The following MFHAS1 variants were observed in gnomAD, a reference collection of about 807,000 sequenced individuals.
MFHAS1 encodes the protein multifunctional ROCO family signaling regulator 1.
MFHAS1 carries 50 observed loss-of-function variants against 70.4 expected under a neutral mutation model. The ratio of observed to expected loss-of-function variants is 0.71; its 90% CI spans 0.57 to 0.90. The LOEUF is 0.90. MFHAS1 is among the 40% of genes least tolerant of loss of function. The pLI is 0.00. For missense variants in MFHAS1, 1,795 were observed against 1,347.6 expected, an observed-to-expected ratio of 1.33 and a Z score of -5.20; for synonymous variants, 952 against 620.0, an observed-to-expected ratio of 1.54 and a Z score of -7.96.
At chr8:8,855,694 A>G (rs1426068797) in intron 1 of MFHAS1, among the ~76,000 whole-genome samples, 1 of 152,034 alleles carries the variant, frequency 6.6e-6, no homozygotes, top group African/African-American at 2.4e-5. Context: ...ACTCTCTACT[A>G]AAAATACAAA....
At chr8:8,840,458 A>G (rs1429541713) in intron 1 of MFHAS1, among the ~76,000 whole-genome samples, 1 of 130,864 alleles carries the variant, frequency 7.6e-6, no homozygotes, top group Non-Finnish European at 1.6e-5. Context: ...CTCCATCTCA[A>G]TACAAAAAAA....
chr8:8,847,371 G>A (rs1447535148), intron 1 of MFHAS1, among the ~76,000 whole-genome samples: 4 of 152,008 alleles, frequency 2.6e-5, no homozygotes, highest in South Asian at 2.1e-4. Context: ...TAGTAGAGAC[G>A]GGGTTTCACC....
rs1805448139 is a variant in MFHAS1 at position 8,784,005 on chromosome 8, C to T, written c.*2017G>A. ...GGGTTCAGATGACAGCATAAAACAT[C>T]ACTGGTCAAAAATATTAGATATTAA... On this transcript the variant is annotated 3_prime_UTR_variant, in exon 3 of 3. Transcript: ENST00000276282. The T allele has an allele frequency of 6.6e-6, 1 of 152,104 alleles. No homozygotes were observed. The highest frequency in any genetic ancestry group is 2.1e-4 in the South Asian group (1 of 4,822). The allele number at this position is 152,104 out of a possible 1,614,324, so 9.4% of individuals were successfully genotyped here.
chr8:8,893,286 C>T lies in MFHAS1; in HGVS notation c.-228G>A, dbSNP rs967887367. On this transcript the variant is annotated 5_prime_UTR_variant, in exon 1 of 3. Coordinates refer to ENST00000276282, the MANE Select transcript of MFHAS1 (RefSeq NM_004225.3). ...CGCGTGGAGAGCAGCTTGCATTCTCCCTGCGGCCGGGCCATGGGCGCGCCG... is the reference window on the plus strand; with the variant it reads ...CGCGTGGAGAGCAGCTTGCATTCTCTCTGCGGCCGGGCCATGGGCGCGCCG... 4 of 152,508 alleles carry T rather than the reference C, an allele frequency of 2.6e-5. No individual in the cohort carries two copies. The highest frequency in any genetic ancestry group is 6.7e-5 in the Admixed American group (1 of 15,032). 9.4% of individuals were successfully genotyped at this position (152,508 alleles called of 1,614,324 possible). A position where few individuals can be genotyped will look rare whatever the true frequency, so the allele number is the denominator to read the frequency against.
chr8:8,819,882 T>C (rs1806890027), intron 1 of MFHAS1, among the ~76,000 whole-genome samples: 3 of 152,078 alleles, frequency 2.0e-5, no homozygotes, highest in Admixed American at 6.5e-5. Flanking sequence ...CTATTTTTGA[T>C]AGAGACGGGG....
chr8:8,891,259 G>C lies in MFHAS1; in HGVS notation c.1800C>G (p.Asp600Glu), dbSNP rs1312850743. The C allele has an allele frequency of 1.2e-6, 2 of 1,612,040 alleles. No individual in the cohort carries two copies. The highest frequency in any genetic ancestry group is 1.7e-6 in the Non-Finnish European group (2 of 1,180,034). The change falls in exon 1 of 3, where the codon GAC becomes GAG. Residue 600 changes from aspartate (D) to glutamate (E), a missense_variant. Coordinates refer to ENST00000276282, the MANE Select transcript of MFHAS1 (RefSeq NM_004225.3). This position sits in a 1 kb window ranked among gnomAD's most constrained non-coding sequence, Gnocchi z 5.4. ...GGGCCTTGCGCCGTCGAAGGTTCTT[G>C]TCCGAAACGCCATAGTAGGCTGCGT... ...SPHAAYYGVS[D>E]KNLRRRKAHF...
chr8:8,817,105 G>C (rs960589098), intron 1 of MFHAS1, among the ~76,000 whole-genome samples: 1 of 152,176 alleles, frequency 6.6e-6, no homozygotes, highest in Non-Finnish European at 1.5e-5. Flanking sequence ...TTTCAGTATA[G>C]AAGCACACAG....
At position 8,892,872 on chromosome 8, in the gene MFHAS1, C is replaced by G. The variant is rs745526921; in HGVS notation, c.187G>C (p.Gly63Arg). ...SPQLVLPANL[G>R]DIEALNLGNN... The stretch of plus-strand genomic sequence containing the variant: ...CCCAGGTTCAGTGCCTCAATGTCCC[C>G]GAGGTTGGCCGGCAGCACGAGCTGG... The change falls in exon 1 of 3, where the codon GGG becomes CGG. Residue 63 changes from glycine (G) to arginine (R), a missense_variant. Transcript: ENST00000276282. The surrounding 1 kb of genome is among the most constrained non-coding windows in gnomAD (Gnocchi z 4.7). 1 of 1,587,604 alleles carries G rather than the reference C, an allele frequency of 6.3e-7. No individual in the cohort carries two copies.
intron 1 of MFHAS1, among the ~76,000 whole-genome samples, chr8:8,835,613 T>G (rs1807569069): frequency 6.6e-6 from 1 of 152,242 alleles, no homozygotes; most frequent in African/African-American, 2.4e-5. Flanking sequence ...AACTTAATTT[T>G]CAGCACTTAT....
At chr8:8,863,305 G>C (rs576857139) in intron 1 of MFHAS1, among the ~76,000 whole-genome samples, 27 of 152,256 alleles carry the variant, frequency 1.8e-4, no homozygotes, top group Middle Eastern at 3.4e-3. Context: ...ATAACTGTGG[G>C]ACAATTCACC....
rs201593143 is a variant in MFHAS1, at chr8:8,891,106, G to C, written c.1953C>G (p.Ile651Met). The change falls in exon 1 of 3, where the codon ATC (isoleucine) becomes ATG (methionine). Residue 651 changes from isoleucine (I) to methionine (M), a missense_variant. Transcript: ENST00000276282. The surrounding 1 kb of genome is among the most constrained non-coding windows in gnomAD (Gnocchi z 5.4). ...GCAGTACTCTGTGTAAGTTGGGGAA[G>C]ATCTCTCGGTGCTCAGCAACTGACA... Reference protein sequence around the residue: ...KLLSVAEHREIFPNLHRVLPR... With the variant: ...KLLSVAEHREMFPNLHRVLPR... The C allele has an allele frequency of 6.2e-7, 1 of 1,613,932 alleles. No individual in the cohort carries two copies. The highest frequency in any genetic ancestry group is 2.2e-5 in the East Asian group (1 of 44,880).
At chr8:8,882,955 C>T (rs1809585569) in intron 1 of MFHAS1, among the ~76,000 whole-genome samples, 1 of 152,062 alleles carries the variant, frequency 6.6e-6, no homozygotes, top group Non-Finnish European at 1.5e-5. Context: ...GAGTTTGAGA[C>T]CAGCCTGGCC....
chr8:8,852,240 G>C (rs1013681197), intron 1 of MFHAS1, among the ~76,000 whole-genome samples: 1 of 152,146 alleles, frequency 6.6e-6, no homozygotes, highest in African/African-American at 2.4e-5. Flanking sequence ...TTGGGAAGCC[G>C]AGGCGGGCAG....
intron 1 of MFHAS1, among the ~76,000 whole-genome samples, chr8:8,857,639 A>G (rs1430699651): frequency 6.6e-6 from 1 of 151,590 alleles, no homozygotes; most frequent in Admixed American, 6.6e-5. Context: ...GGGTGCCTGT[A>G]GTCTCAGCTA....
chr8:8,817,980 C>A (rs1052398678), intron 1 of MFHAS1, among the ~76,000 whole-genome samples: 1 of 152,156 alleles, frequency 6.6e-6, no homozygotes, highest in African/African-American at 2.4e-5. Context: ...GTCTGTGGCC[C>A]GGGGACTGAG....
intron 1 of MFHAS1, among the ~76,000 whole-genome samples, chr8:8,816,245 T>C (rs544620016): frequency 2.0e-5 from 3 of 152,158 alleles, no homozygotes; most frequent in Non-Finnish European, 4.4e-5. Flanking sequence ...TATGGGTGTA[T>C]GTATATATCA....
At chr8:8,828,323 G>T (rs1013698143) in intron 1 of MFHAS1, among the ~76,000 whole-genome samples, 1 of 152,222 alleles carries the variant, frequency 6.6e-6, no homozygotes, top group African/African-American at 2.4e-5. Flanking sequence ...ACACTTAGGT[G>T]CGGTGAAATC....
intron 1 of MFHAS1, among the ~76,000 whole-genome samples, chr8:8,799,731 G>C (rs182306660): frequency 2.0e-5 from 3 of 152,186 alleles, no homozygotes; most frequent in African/African-American, 7.2e-5. Context: ...ACTCCAACCC[G>C]GGCGACAGAG....
intron 1 of MFHAS1, among the ~76,000 whole-genome samples, chr8:8,806,464 C>A (rs1429955516): frequency 3.9e-5 from 6 of 152,186 alleles, no homozygotes; most frequent in Admixed American, 6.5e-5. Flanking sequence ...GAGTCACCTA[C>A]TAAGAAGGGC....
Sources: gnomAD v4.1 joint callset for allele counts (sites outside exome capture counted in the v4.1 genomes callset) on GRCh38, gnomAD v4.1.1 for gene constraint, Gnocchi (gnomAD v3.1) non-coding constraint, MANE v1.5 for transcripts, NCBI Gene and HGNC (gene_info 2026-07-23, HGNC 2026-07-21) for gene names.